TUNAR: variants seen among roughly 807,000 people sequenced by gnomAD.
TUNAR encodes the protein transmembrane neural differentiation associated intracellular calcium regulator.
chr14:95,919,627 C>T (rs1052836177), intron 2 of TUNAR, among the ~76,000 whole-genome samples: 2 of 151,758 alleles, frequency 1.3e-5, no homozygotes, highest in Non-Finnish European at 2.9e-5. Flanking sequence ...GCAGGAGGAT[C>T]GCTTGAGCCC....
At chr14:95,915,393 G>A (rs963044780) in intron 2 of TUNAR, among the ~76,000 whole-genome samples, 4 of 152,180 alleles carry the variant, frequency 2.6e-5, no homozygotes, top group African/African-American at 4.8e-5. Flanking sequence ...TTTCAGCACC[G>A]TGGCTAGGAT....
chr14:95,918,789 T>A (rs1005430911), intron 2 of TUNAR, among the ~76,000 whole-genome samples: 4 of 152,162 alleles, frequency 2.6e-5, no homozygotes, highest in Admixed American at 2.6e-4. Flanking sequence ...TTTGCTTGAG[T>A]GACTGTGATG....
intron 2 of TUNAR, among the ~76,000 whole-genome samples, chr14:95,920,844 G>A (rs1490132333): frequency 2.0e-5 from 3 of 152,152 alleles, no homozygotes; most frequent in Admixed American, 6.5e-5. Context: ...AACAGAACTG[G>A]TAAGATATAT....
chr14:95,922,676 C>G lies in TUNAR; in HGVS notation c.13-105C>G, dbSNP rs369303360. 20 of 396,546 alleles carry G rather than the reference C, an allele frequency of 5.0e-5. 1 individual carries two copies. The highest frequency in any genetic ancestry group is 1.1e-4 in the East Asian group (3 of 28,014). The allele number at this position is 396,546 out of a possible 1,614,324, so 24.6% of individuals were successfully genotyped here. On this transcript the variant is annotated intron_variant, in intron 2 of 2. Transcript: ENST00000678517. Reference sequence around the variant, plus strand: ...CTTGTGGGATTTGTCATTCTCCCACCATGTTCTGACCTGCAAGCAGATCAC... The same window carrying G: ...CTTGTGGGATTTGTCATTCTCCCACGATGTTCTGACCTGCAAGCAGATCAC...
chr14:95,916,860 C>T (rs923112752), intron 2 of TUNAR, among the ~76,000 whole-genome samples: 5 of 152,128 alleles, frequency 3.3e-5, no homozygotes, highest in Non-Finnish European at 7.4e-5. Context: ...TTTCAATGGG[C>T]ATTTCTCTGG....
At chr14:95,913,023 C>T (rs146861509) in intron 2 of TUNAR, among the ~76,000 whole-genome samples, 2,115 of 152,184 alleles carry the variant, frequency 0.014, 57 homozygotes, top group African/African-American at 0.048. Flanking sequence ...CATCTCCTGA[C>T]CTCGTGATCC....
At chr14:95,891,295 T>C (rs1889177213) in intron 2 of TUNAR, among the ~76,000 whole-genome samples, 1 of 152,222 alleles carries the variant, frequency 6.6e-6, no homozygotes, top group Admixed American at 6.5e-5. Flanking sequence ...CCTCCGAGTC[T>C]GAAGACACAG....
intron 2 of TUNAR, among the ~76,000 whole-genome samples, chr14:95,910,566 T>A (rs991836838): frequency 2.0e-5 from 3 of 152,246 alleles, no homozygotes; most frequent in African/African-American, 7.2e-5. Flanking sequence ...GCACTGTAAT[T>A]AATACTAATC....
intron 2 of TUNAR, among the ~76,000 whole-genome samples, chr14:95,908,894 G>A (rs1889468555): frequency 6.6e-6 from 1 of 152,198 alleles, no homozygotes; most frequent in Admixed American, 6.5e-5. Flanking sequence ...GGAATTGGAG[G>A]TAGAGTAGCC....
exon 3 of TUNAR, chr14:95,924,840 C>T (rs942924417): frequency 6.6e-6 from 1 of 152,272 alleles, no homozygotes; most frequent in Non-Finnish European, 1.5e-5. Context: ...GCAGAAGCAG[C>T]AGCAGTCTGC....
At chr14:95,922,196 C>T (rs1314760417) in intron 2 of TUNAR, among the ~76,000 whole-genome samples, 1 of 152,156 alleles carries the variant, frequency 6.6e-6, no homozygotes, top group African/African-American at 2.4e-5. Flanking sequence ...CTGTTTCTAC[C>T]AGGGATTATG....
intron 2 of TUNAR, among the ~76,000 whole-genome samples, chr14:95,880,619 G>T (rs988790462): frequency 1.3e-5 from 2 of 152,188 alleles, no homozygotes; most frequent in Non-Finnish European, 2.9e-5. Context: ...GGCTGTTCCT[G>T]GAAGGTAAGG....
chr14:95,907,143 T>C (rs1889438733), intron 2 of TUNAR, among the ~76,000 whole-genome samples: 1 of 152,210 alleles, frequency 6.6e-6, no homozygotes, highest in Admixed American at 6.5e-5. Flanking sequence ...CCTTCCTTTT[T>C]GCCACCACAT....
intron 2 of TUNAR, among the ~76,000 whole-genome samples, chr14:95,919,529 G>T (rs1889657753): frequency 2.0e-5 from 3 of 151,634 alleles, no homozygotes; most frequent in Admixed American, 1.3e-4. Flanking sequence ...GCAACATAGT[G>T]GGACCCAGTC....
intron 2 of TUNAR, among the ~76,000 whole-genome samples, chr14:95,891,557 C>T (rs138379050): frequency 1.3e-3 from 194 of 152,330 alleles, no homozygotes; most frequent in African/African-American, 3.9e-3. Context: ...CAGGGCCACA[C>T]GGCTCCTGAG....
Position 95,901,441 on chromosome 14 carries a change from G to A in TUNAR, c.13-21340G>A, listed in dbSNP as rs766947094. ...TTTTGTGAGCCTCTCCTGGGTGCCAGGCCCCATATAGATGCCAGGAATAAG... is the reference window on the plus strand; with the variant it reads ...TTTTGTGAGCCTCTCCTGGGTGCCAAGCCCCATATAGATGCCAGGAATAAG... On this transcript the variant is annotated intron_variant, in intron 2 of 2. Coordinates refer to ENST00000678517, the Ensembl canonical transcript of TUNAR. Among the ~76,000 whole-genome samples, 9 of 152,338 alleles carry A rather than the reference G, an allele frequency of 5.9e-5. No homozygotes were observed. The South Asian group carries it at 1.0e-3, about 18-fold the overall frequency.
chr14:95,913,026 C>T (rs1175473346), intron 2 of TUNAR, among the ~76,000 whole-genome samples: 2 of 152,090 alleles, frequency 1.3e-5, no homozygotes, highest in Admixed American at 6.5e-5. Context: ...CTCCTGACCT[C>T]GTGATCCGCC....
intron 2 of TUNAR, among the ~76,000 whole-genome samples, chr14:95,889,594 C>G (rs935322295): frequency 6.6e-6 from 1 of 152,186 alleles, no homozygotes; most frequent in Admixed American, 6.5e-5. Flanking sequence ...TGACTGGGAG[C>G]TGACTGCTCC....
chr14:95,921,047 G>A (rs1889689781), intron 2 of TUNAR, among the ~76,000 whole-genome samples: 1 of 152,152 alleles, frequency 6.6e-6, no homozygotes, highest in Admixed American at 6.5e-5. Context: ...TCCAAAGGCA[G>A]GAAAAAGCCA....
Sources: gnomAD v4.1 joint callset for allele counts (sites outside exome capture counted in the v4.1 genomes callset) on GRCh38, gnomAD v4.1.1 for gene constraint, MANE v1.5 for transcripts, NCBI Gene and HGNC (gene_info 2026-07-23, HGNC 2026-07-21) for gene names.